The following IGSF3 variants were observed in gnomAD, a reference collection of about 807,000 sequenced individuals.
IGSF3 encodes immunoglobulin superfamily member 3.
In IGSF3, 23 loss-of-function variants were observed where a neutral mutation model predicts 114.4. The observed-to-expected ratio is 0.20, with a 90% CI of 0.14 to 0.28. The LOEUF is 0.28. IGSF3 is among the 10% of genes least tolerant of loss of function. The pLI, the probability that IGSF3 is intolerant of heterozygous loss-of-function variation, is 1.00. For missense variants in IGSF3, 1,172 were observed against 1,591.5 expected (o/e 0.74, Z 4.48); for synonymous variants, 571 against 645.2 (o/e 0.88, Z 1.74).
Position 116,628,878 on chromosome 1 carries a change from G to A in IGSF3, c.44-12421C>T, listed in dbSNP as rs1647425655. 6.6e-6 allele frequency among the ~76,000 whole-genome samples: 1 copy of A among 152,162 alleles called. No individual in the cohort carries two copies. The highest frequency in any genetic ancestry group is 1.5e-5 in the Non-Finnish European group (1 of 68,030). On this transcript the variant is annotated intron_variant, in intron 2 of 10. Transcript: ENST00000369486. The surrounding 1 kb of genome is among the most constrained non-coding windows in gnomAD (Gnocchi z 4.2). ...TAACTATGACCAGGCAGTAGGCAGT[G>A]GGCCCTGCTCATTCTTTCTAGGGAG...
Position 116,615,908 on chromosome 1 carries a change from T to C in IGSF3, c.421+172A>G, listed in dbSNP as rs1661197902. Among the ~76,000 whole-genome samples, 1 of 152,350 alleles carries C rather than the reference T, an allele frequency of 6.6e-6. No individual in the cohort carries two copies. The highest frequency in any genetic ancestry group is 6.5e-5 in the Admixed American group (1 of 15,304). On this transcript the variant is annotated intron_variant, in intron 3 of 10. Transcript: ENST00000369486. The surrounding 1 kb of genome is among the most constrained non-coding windows in gnomAD (Gnocchi z 4.3). ...AAGTTTCACCCTCAACCACCTATTA[T>C]TTAGAAGTGAACACAGAAATTTAGT...
Position 116,579,284 on chromosome 1 carries a change from A to G in IGSF3, c.3334+108T>C. 1 of 1,376,164 alleles carries G rather than the reference A, an allele frequency of 7.3e-7. No individual in the cohort carries two copies. Among genetic ancestry groups the G allele is most frequent in the Non-Finnish European group, 9.9e-7 (1 of 1,012,412 alleles). The allele number at this position is 1,376,164 out of a possible 1,614,324, so 85.2% of individuals were successfully genotyped here. On this transcript the variant is annotated intron_variant, in intron 10 of 10. Coordinates refer to ENST00000369486, the MANE Select transcript of IGSF3 (RefSeq NM_001007237.3). The surrounding 1 kb of genome is among the most constrained non-coding windows in gnomAD (Gnocchi z 6.4). ...TCTCAAATCCTACTAATAAATGCCCATGACAGTTAAGAAAACTGTTTATTA... is the reference window on the plus strand; with the variant it reads ...TCTCAAATCCTACTAATAAATGCCCGTGACAGTTAAGAAAACTGTTTATTA...
At chr1:116,617,153 A>G (rs546014392) in intron 2 of IGSF3, 2 of 244,284 alleles carry the variant, frequency 8.2e-6, no homozygotes, top group Non-Finnish European at 1.3e-5. Flanking sequence ...GGGGGGAACT[A>G]ACAGTGCCCA....
chr1:116,631,317 CAAAAAAAAAAA>C (rs939848949), intron 2 of IGSF3, among the ~76,000 whole-genome samples: 4 of 46,092 alleles, frequency 8.7e-5, no homozygotes, highest in African/African-American at 1.3e-4. Flanking sequence ...GACGCTGTCT[CAAAAAAAAAAA>C]AAAAAAAAAA....
chr1:116,666,169 G>C (rs1649322607), intron 2 of IGSF3, 115 bp downstream of exon 2: 3 of 982,586 alleles, frequency 3.1e-6, no homozygotes, highest in Admixed American at 1.7e-5. Context: ...CACACCGACC[G>C]CCTCCTGGTG....
intron 2 of IGSF3, among the ~76,000 whole-genome samples, chr1:116,652,805 T>C (rs1648687488): frequency 6.6e-6 from 1 of 152,196 alleles, no homozygotes; most frequent in South Asian, 2.1e-4. Flanking sequence ...ATCTTATCCA[T>C]TTTTCTCCCT....
intron 2 of IGSF3, among the ~76,000 whole-genome samples, chr1:116,641,131 G>A (rs1368379686): frequency 6.6e-6 from 1 of 152,194 alleles, no homozygotes. Context: ...TTGGAACTAG[G>A]TGGTGAGTGT....
chr1:116,664,101 C>T lies in IGSF3; in HGVS notation c.43+2183G>A, dbSNP rs1259624012. On this transcript the variant is annotated intron_variant, in intron 2 of 10. Coordinates refer to ENST00000369486, the MANE Select transcript of IGSF3 (RefSeq NM_001007237.3). The surrounding 1 kb of genome is among the most constrained non-coding windows in gnomAD (Gnocchi z 4.6). ...GTAGCCAGGCCTCCTTCCTGCCATA[C>T]TGAGAGCCATCAGGTGAAGAGAAAG... is the stretch of plus-strand genomic sequence containing the variant. Among the ~76,000 whole-genome samples, 1 of 152,212 alleles carries T rather than the reference C, an allele frequency of 6.6e-6. No homozygotes were observed. Among genetic ancestry groups the T allele is most frequent in the East Asian group, 1.9e-4 (1 of 5,198 alleles).
chr1:116,648,902 CA>C lies in IGSF3; in HGVS notation c.43+17381del, dbSNP rs1648515555. ...ATGAACAAGGATGCCCTTCCCTGGA[CA>C]GCCAAGATGTAAACCTGCCCCCAGA... is the stretch of plus-strand genomic sequence containing the variant. On this transcript the variant is annotated intron_variant, in intron 2 of 10. Transcript: ENST00000369486. The surrounding 1 kb of genome is among the most constrained non-coding windows in gnomAD (Gnocchi z 4.7). 6.6e-6 allele frequency among the ~76,000 whole-genome samples: 1 copy of C among 152,184 alleles called. No individual in the cohort carries two copies. The highest frequency in any genetic ancestry group is 2.1e-4 in the South Asian group (1 of 4,828).
rs986512707 is a variant in IGSF3 at position 116,607,591 on chromosome 1, C to T, written c.1222+351G>A. Among the ~76,000 whole-genome samples the T allele has an allele frequency of 1.3e-5, 2 of 152,184 alleles. No homozygotes were observed. Among genetic ancestry groups the T allele is most frequent in the African/African-American group, 4.8e-5 (2 of 41,424 alleles). The stretch of plus-strand genomic sequence containing the variant: ...TACCCACTTCTTCTGGGACTTGATT[C>T]CCACACAAGAGCAAACAGCTTTCTG... On this transcript the variant is annotated intron_variant, in intron 5 of 10. Transcript: ENST00000369486. The surrounding 1 kb of genome is among the most constrained non-coding windows in gnomAD (Gnocchi z 6.1).
intron 1 of IGSF3, among the ~76,000 whole-genome samples, chr1:116,667,415 G>A (rs1380892596): frequency 6.6e-6 from 1 of 152,124 alleles, no homozygotes; most frequent in Non-Finnish European, 1.5e-5. Context: ...GGGGAAGAAG[G>A]GAGTCCGGAG....
Position 116,582,595 on chromosome 1 carries a change from C to T in IGSF3, c.2848+2050G>A, listed in dbSNP as rs529020132. Among the ~76,000 whole-genome samples the T allele has an allele frequency of 7.2e-5, 11 of 152,052 alleles. No individual in the cohort carries two copies. The highest frequency in any genetic ancestry group is 2.1e-4 in the South Asian group (1 of 4,826). On this transcript the variant is annotated intron_variant, in intron 9 of 10. Coordinates refer to ENST00000369486, the MANE Select transcript of IGSF3 (RefSeq NM_001007237.3). The surrounding 1 kb of genome is among the most constrained non-coding windows in gnomAD (Gnocchi z 4.7). ...CTTCCATGTGTTTAACGTATCCCTC[C>T]GAAAAAAATCTTTGAAGTACGTCTG...
rs796908705 is a variant in IGSF3 at position 116,642,373 on chromosome 1, A to G, written c.43+23911T>C. 7.9e-5 allele frequency among the ~76,000 whole-genome samples: 12 copies of G among 152,274 alleles called. No homozygotes were observed. The highest frequency in any genetic ancestry group is 2.6e-4 in the African/African-American group (11 of 41,564). On this transcript the variant is annotated intron_variant, in intron 2 of 10. Transcript: ENST00000369486. The surrounding 1 kb of genome is among the most constrained non-coding windows in gnomAD (Gnocchi z 5.4). ...TGAAACTGGAACTATGATGAATAAC[A>G]TTAGAATTCTGGATGCCTTCCAGCA...
At position 116,627,509 on chromosome 1, in the gene IGSF3, G is replaced by A. The variant is rs1187767646; in HGVS notation, c.44-11052C>T. On this transcript the variant is annotated intron_variant, in intron 2 of 10. Transcript: ENST00000369486. The surrounding 1 kb of genome is among the most constrained non-coding windows in gnomAD (Gnocchi z 4.7). ...AGCACTGCCTGCACCTCCTCCTGGA[G>A]CTGGCAGGGCCCCAGCAGTGCGCCT... 1.3e-5 allele frequency among the ~76,000 whole-genome samples: 2 copies of A among 152,176 alleles called. No individual in the cohort carries two copies. The highest frequency in any genetic ancestry group is 4.8e-5 in the African/African-American group (2 of 41,436).
rs750106168 is a variant in IGSF3, at chr1:116,588,721, G to A, written c.2413C>T (p.Arg805Cys). 5.0e-6 allele frequency: 8 copies of A among 1,609,140 alleles called. No individual in the cohort carries two copies. The highest frequency in any genetic ancestry group is 1.7e-4 in the Middle Eastern group (1 of 5,900). Residue 805 changes from arginine to cysteine, a missense_variant, in exon 8 of 11, where the codon CGC becomes TGC. Coordinates refer to ENST00000369486, the MANE Select transcript of IGSF3 (RefSeq NM_001007237.3). This position sits in a 1 kb window ranked among gnomAD's most constrained non-coding sequence, Gnocchi z 4.9. ...GGCTGTTTCACAGTGACTTCTGTGC[G>A]CCCAGAAACCTCCTCTGCCAGCTTG... ...WYKLAEEVSG[R>C]TEVTVKQPDS...
At chr1:116,623,787 T>C (rs1213770870) in intron 2 of IGSF3, among the ~76,000 whole-genome samples, 1 of 147,014 alleles carries the variant, frequency 6.8e-6, no homozygotes, top group Non-Finnish European at 1.5e-5. Flanking sequence ...CATACTTTCA[T>C]CAAAAATGTC....
chr1:116,593,217 G>C lies in IGSF3; in HGVS notation c.2030-4113C>G, dbSNP rs1333652786. Reference sequence around the variant, plus strand: ...GCTAAGTCAGAAAAACTGCGAGTAAGGCTCAGCAACCTGCAGTCTCATGAG... The same window carrying C: ...GCTAAGTCAGAAAAACTGCGAGTAACGCTCAGCAACCTGCAGTCTCATGAG... On this transcript the variant is annotated intron_variant, in intron 7 of 10. Coordinates refer to ENST00000369486, the MANE Select transcript of IGSF3 (RefSeq NM_001007237.3). This position sits in a 1 kb window ranked among gnomAD's most constrained non-coding sequence, Gnocchi z 4.5. Among the ~76,000 whole-genome samples the C allele has an allele frequency of 2.0e-5, 3 of 152,220 alleles. No homozygotes were observed. Among genetic ancestry groups the C allele is most frequent in the African/African-American group, 7.2e-5 (3 of 41,460 alleles).
rs1305493894 is a variant in IGSF3 at position 116,666,279 on chromosome 1, C to T, written c.43+5G>A. 2 of 1,613,860 alleles carry T rather than the reference C, an allele frequency of 1.2e-6. No homozygotes were observed. The highest frequency in any genetic ancestry group is 1.7e-6 in the Non-Finnish European group (2 of 1,179,756). ...TCGATTGCACTGATAAGCAGAGCCACTTACCCAGCACAGCCAGACAGCTCA... is the reference window on the plus strand; with the variant it reads ...TCGATTGCACTGATAAGCAGAGCCATTTACCCAGCACAGCCAGACAGCTCA... On this transcript the variant is annotated splice_donor_5th_base_variant and intron_variant, in intron 2 of 10. Coordinates refer to ENST00000369486, the MANE Select transcript of IGSF3 (RefSeq NM_001007237.3).
Position 116,588,851 on chromosome 1 carries a change from C to T in IGSF3, c.2283G>A (p.Ser761=), listed in dbSNP as rs757724728. The part of the protein sequence containing the change: ...RARLQFERHV[S]GGLFSLTVQR... ...GGACGGTGAGGCTGAACAGGCCCCC[C>T]GACACATGCCTCTCAAACTGGAGCC... Residue 761 remains serine (S), a synonymous_variant, in exon 8 of 11, where the codon TCG becomes TCA. Coordinates refer to ENST00000369486, the MANE Select transcript of IGSF3 (RefSeq NM_001007237.3). This position sits in a 1 kb window ranked among gnomAD's most constrained non-coding sequence, Gnocchi z 4.9. The T allele has an allele frequency of 7.4e-6, 12 of 1,614,084 alleles. No individual in the cohort carries two copies. Among genetic ancestry groups the T allele is most frequent in the East Asian group, 6.7e-5 (3 of 44,898 alleles).
Sources: allele counts gnomAD v4.1 joint callset (sites outside exome capture counted in the v4.1 genomes callset), GRCh38; gene constraint gnomAD v4.1.1; non-coding constraint Gnocchi (gnomAD v3.1); transcripts MANE v1.5; gene names NCBI Gene and HGNC (gene_info 2026-07-23, HGNC 2026-07-21).